OR2L13: variants seen among roughly 807,000 people sequenced by gnomAD.
OR2L13 encodes olfactory receptor 2L13.
In OR2L13, 14 loss-of-function variants were observed where a neutral mutation model predicts 15.3. The ratio of observed to expected loss-of-function variants is 0.91; its 90% confidence interval spans 0.60 to 1.43. The LOEUF (loss-of-function observed/expected upper bound fraction) is 1.43. Among genes scored for constraint, OR2L13 ranks in the 40% most tolerant of loss-of-function variants. The pLI is 0.00. For missense variants in OR2L13, 367 were observed against 387.9 expected, an observed-to-expected ratio of 0.95 and a Z score of 0.45; for synonymous variants, 152 against 142.9, an observed-to-expected ratio of 1.06 and a Z score of -0.45.
At chr1:248,056,630 C>T in the OR2L13 span, among the ~76,000 whole-genome samples, 2 of 148,840 alleles carry the variant, frequency 1.3e-5, no homozygotes, top group Non-Finnish European at 3.0e-5. Flanking sequence ...CATTCAGGAG[C>T]AGGTTGTTCT....
chr1:247,999,197 G>C, the OR2L13 span, among the ~76,000 whole-genome samples: 1 of 152,140 alleles, frequency 6.6e-6, no homozygotes, highest in Admixed American at 6.5e-5. Flanking sequence ...GTAATTGTAA[G>C]AGATAGAATT....
At chr1:247,978,268 ACTC>A in the OR2L13 span, among the ~76,000 whole-genome samples, 1 of 151,032 alleles carries the variant, frequency 6.6e-6, no homozygotes. Flanking sequence ...TGATTATTAA[ACTC>A]CTTCTCTGCT....
upstream of OR2L13, among the ~76,000 whole-genome samples, chr1:248,092,964 G>T (rs2103190437): frequency 6.6e-6 from 1 of 152,130 alleles, no homozygotes. Context: ...GATGGAAATG[G>T]AAATGTAAAA....
chr1:247,975,113 G>A, the OR2L13 span: 1 of 375,470 alleles, frequency 2.7e-6, no homozygotes, highest in South Asian at 2.6e-5. Flanking sequence ...TTATGTAGCT[G>A]TTTGCTTTCC....
At chr1:248,007,126 G>A in the OR2L13 span, among the ~76,000 whole-genome samples, 1 of 152,174 alleles carries the variant, frequency 6.6e-6, no homozygotes, top group Non-Finnish European at 1.5e-5. Flanking sequence ...ATGATTTTCT[G>A]TGATGTACCA....
At chr1:248,073,722 G>C in the OR2L13 span, among the ~76,000 whole-genome samples, 2 of 151,594 alleles carry the variant, frequency 1.3e-5, no homozygotes, top group Non-Finnish European at 2.9e-5. Flanking sequence ...TCAGGTAGAT[G>C]ATCTTTCATT....
chr1:248,061,007 C>T, the OR2L13 span: 1 of 1,614,068 alleles, frequency 6.2e-7, no homozygotes, highest in Non-Finnish European at 8.5e-7. Context: ...TTAGGAGGTG[C>T]AGAAGCACTA....
chr1:248,090,028 C>T, the OR2L13 span, among the ~76,000 whole-genome samples: 1 of 152,132 alleles, frequency 6.6e-6, no homozygotes, highest in Admixed American at 6.5e-5. Context: ...TAACCTCTTC[C>T]TCCCTCCCTT....
the OR2L13 span, among the ~76,000 whole-genome samples, chr1:248,044,826 A>AC: frequency 4.8e-5 from 4 of 83,202 alleles, no homozygotes; most frequent in Non-Finnish European, 8.0e-5. Context: ...AAAAAAAAAA[A>AC]AAAAAAAAAA....
chr1:248,095,548 C>T (rs1336324290), upstream of OR2L13, among the ~76,000 whole-genome samples: 2 of 144,634 alleles, frequency 1.4e-5, no homozygotes, highest in Non-Finnish European at 3.0e-5. Flanking sequence ...TTGATGCTTA[C>T]ATGTTTTAAA....
the OR2L13 span, among the ~76,000 whole-genome samples, chr1:247,987,830 C>T: frequency 6.6e-6 from 1 of 152,150 alleles, no homozygotes; most frequent in Admixed American, 6.6e-5. Context: ...CACATAAATA[C>T]ATTCCAATTT....
chr1:248,073,498 G>C, the OR2L13 span, among the ~76,000 whole-genome samples: 1 of 151,776 alleles, frequency 6.6e-6, no homozygotes, highest in Non-Finnish European at 1.5e-5. Flanking sequence ...AGCGGGGAGG[G>C]ATAGCATTAG....
At chr1:247,993,827 A>AAG in the OR2L13 span, among the ~76,000 whole-genome samples, 8 of 85,362 alleles carry the variant, frequency 9.4e-5, no homozygotes, top group African/African-American at 2.9e-4. Flanking sequence ...AAGAGAAAGA[A>AAG]AGAGAGAGAG....
the OR2L13 span, among the ~76,000 whole-genome samples, chr1:248,026,489 G>A: frequency 6.6e-6 from 1 of 152,200 alleles, no homozygotes; most frequent in Admixed American, 6.5e-5. Flanking sequence ...TATGATTGTA[G>A]CCTTCCAGTG....
the OR2L13 span, among the ~76,000 whole-genome samples, chr1:247,969,914 G>A: frequency 6.6e-6 from 1 of 152,140 alleles, no homozygotes; most frequent in South Asian, 2.1e-4. Context: ...GAGACTGAGT[G>A]CATACAACAT....
the OR2L13 span, among the ~76,000 whole-genome samples, chr1:247,967,493 T>G: frequency 1.3e-5 from 2 of 152,200 alleles, no homozygotes; most frequent in Non-Finnish European, 2.9e-5. Flanking sequence ...CCTCCCAAAG[T>G]GCTGGGATTA....
the OR2L13 span, among the ~76,000 whole-genome samples, chr1:248,072,812 A>G: frequency 6.6e-6 from 1 of 152,174 alleles, no homozygotes; most frequent in South Asian, 2.1e-4. Flanking sequence ...AAAAGTGGGC[A>G]AAGCACATGA....
chr1:248,071,019 G>A, the OR2L13 span, among the ~76,000 whole-genome samples: 2 of 152,016 alleles, frequency 1.3e-5, no homozygotes, highest in Non-Finnish European at 2.9e-5. Context: ...AGGACCAGAT[G>A]GATTCACAGC....
the OR2L13 span, among the ~76,000 whole-genome samples, chr1:248,012,710 C>T: frequency 7.2e-5 from 11 of 151,984 alleles, no homozygotes; most frequent in Non-Finnish European, 1.6e-4. Flanking sequence ...ATATACACTA[C>T]CTACCCTGAT....
Sources: gnomAD v4.1 joint callset for allele counts (sites outside exome capture counted in the v4.1 genomes callset) on GRCh38, gnomAD v4.1.1 for gene constraint, MANE v1.5 for transcripts, NCBI Gene and HGNC (gene_info 2026-07-23, HGNC 2026-07-21) for gene names.